The following HIVEP1 variants were observed in gnomAD, a reference collection of about 807,000 sequenced individuals.
HIVEP1 encodes zinc finger protein 40.
In HIVEP1, 36 loss-of-function variants were observed where a neutral mutation model predicts 180.0. The ratio of observed to expected loss-of-function variants is 0.20; its 90% CI spans 0.15 to 0.26. HIVEP1 has a LOEUF of 0.26. Ranked by LOEUF, HIVEP1 falls within the 10% of genes least tolerant of loss-of-function variation. HIVEP1 has a pLI of 1.00. For synonymous variants in HIVEP1, 1,239 were observed against 1,239.0 expected (o/e 1.00, Z 0.00); for missense variants, 3,143 against 3,268.7 (o/e 0.96, Z 0.94).
At chr6:12,127,139 G>A (rs1223283182) in intron 4 of HIVEP1, among the ~76,000 whole-genome samples, 1 of 152,036 alleles carries the variant, frequency 6.6e-6, no homozygotes, top group Non-Finnish European at 1.5e-5. Context: ...GGGATTACAG[G>A]TGTGAGCCAC....
downstream of HIVEP1, among the ~76,000 whole-genome samples, chr6:12,168,197 T>TATCTATATTATATATATAG (rs1444526997): frequency 1.1e-4 from 11 of 96,468 alleles, no homozygotes; most frequent in Admixed American, 2.5e-4. Flanking sequence ...TATACGTGTA[T>TATCTATATTATATATATAG]ATATACATAT....
chr6:12,032,276 G>A (rs193168888), intron 2 of HIVEP1, among the ~76,000 whole-genome samples: 4 of 151,586 alleles, frequency 2.6e-5, no homozygotes, highest in Non-Finnish European at 2.9e-5. Context: ...AAGTAGCTGC[G>A]ACTACAAGAG....
upstream of HIVEP1, among the ~76,000 whole-genome samples, chr6:12,011,369 G>T (rs1286850629): frequency 7.0e-6 from 1 of 143,282 alleles, no homozygotes; most frequent in Non-Finnish European, 1.5e-5. Flanking sequence ...TCCTGCTGTA[G>T]AAAGTAAAGA....
the HIVEP1 span, among the ~76,000 whole-genome samples, chr6:12,192,068 A>G: frequency 6.6e-6 from 1 of 152,218 alleles, no homozygotes; most frequent in Admixed American, 6.5e-5. Context: ...ATATCATATG[A>G]CTGACTTCTT....
At chr6:12,024,661 C>T (rs1020169780) in intron 2 of HIVEP1, among the ~76,000 whole-genome samples, 3 of 152,126 alleles carry the variant, frequency 2.0e-5, no homozygotes, top group African/African-American at 4.8e-5. Context: ...CATACAACTG[C>T]TTAATATAGT....
intron 2 of HIVEP1, among the ~76,000 whole-genome samples, chr6:12,043,354 AATTT>A (rs1195803585): frequency 7.1e-6 from 1 of 140,330 alleles, no homozygotes; most frequent in Non-Finnish European, 1.5e-5. Context: ...TCTAAGTGAA[AATTT>A]TTTTTTTTTT....
At chr6:12,064,430 G>C (rs1311317764) in intron 2 of HIVEP1, among the ~76,000 whole-genome samples, 3 of 152,168 alleles carry the variant, frequency 2.0e-5, no homozygotes, top group Admixed American at 2.0e-4. Flanking sequence ...TAACAGCAGT[G>C]GGTGACATCA....
At chr6:12,017,288 G>GT (rs1767848958) in intron 2 of HIVEP1, among the ~76,000 whole-genome samples, 1 of 152,186 alleles carries the variant, frequency 6.6e-6, no homozygotes, top group African/African-American at 2.4e-5. Flanking sequence ...GGCCCTCGCC[G>GT]TGAGTGTTAT....
At chr6:12,082,072 C>T (rs899101293) in intron 2 of HIVEP1, among the ~76,000 whole-genome samples, 12 of 152,000 alleles carry the variant, frequency 7.9e-5, no homozygotes, top group African/African-American at 2.7e-4. Flanking sequence ...CCTTTTTTAC[C>T]TCTTTTTTTT....
At chr6:12,147,404 C>T (rs1759443514) in intron 7 of HIVEP1, among the ~76,000 whole-genome samples, 1 of 152,094 alleles carries the variant, frequency 6.6e-6, no homozygotes, top group Admixed American at 6.5e-5. Context: ...AGCTATTGCC[C>T]CTTTAGGACC....
chr6:12,068,107 T>A (rs1436149537), intron 2 of HIVEP1, among the ~76,000 whole-genome samples: 1 of 152,204 alleles, frequency 6.6e-6, no homozygotes. Flanking sequence ...TTTTGTTTTT[T>A]GAGATGGAGT....
chr6:12,160,397 T>C (rs1760322231), intron 7 of HIVEP1, among the ~76,000 whole-genome samples: 1 of 152,200 alleles, frequency 6.6e-6, no homozygotes, highest in Admixed American at 6.5e-5. Flanking sequence ...AATTGTAGCA[T>C]CTCTCTGAGT....
At chr6:12,209,487 A>C in the HIVEP1 span, among the ~76,000 whole-genome samples, 1 of 152,358 alleles carries the variant, frequency 6.6e-6, no homozygotes, top group African/African-American at 2.4e-5. Flanking sequence ...AGCACCCTAT[A>C]TAATGTACTT....
chr6:12,136,184 T>C (rs192857821), intron 7 of HIVEP1, among the ~76,000 whole-genome samples: 1 of 152,324 alleles, frequency 6.6e-6, no homozygotes, highest in East Asian at 1.9e-4. Flanking sequence ...ATGTGAACAC[T>C]TGACCTTGAT....
At chr6:12,206,123 A>ATTTTTG in the HIVEP1 span, among the ~76,000 whole-genome samples, 1 of 151,988 alleles carries the variant, frequency 6.6e-6, no homozygotes, top group African/African-American at 2.4e-5. Flanking sequence ...GAGGAAATTT[A>ATTTTTG]TTTTTGTTTT....
At chr6:12,041,413 C>A (rs1342418057) in intron 2 of HIVEP1, among the ~76,000 whole-genome samples, 3 of 111,860 alleles carry the variant, frequency 2.7e-5, no homozygotes, top group Non-Finnish European at 5.3e-5. Context: ...CAGAGCGAGA[C>A]TCCGTCTAAA....
At chr6:12,191,177 A>G in the HIVEP1 span, among the ~76,000 whole-genome samples, 1 of 152,262 alleles carries the variant, frequency 6.6e-6, no homozygotes, top group Admixed American at 6.5e-5. Flanking sequence ...GCATTCTAAC[A>G]GTAAACTAAG....
intron 3 of HIVEP1, among the ~76,000 whole-genome samples, chr6:12,090,485 G>A (rs1318480208): frequency 6.6e-6 from 1 of 151,916 alleles, no homozygotes; most frequent in African/African-American, 2.4e-5. Flanking sequence ...TACATTTATG[G>A]GGTACTATGT....
the HIVEP1 span, among the ~76,000 whole-genome samples, chr6:12,185,536 G>A: frequency 0.014 from 2,174 of 152,294 alleles, 60 homozygotes; most frequent in African/African-American, 0.051. Context: ...GTCATTTCAC[G>A]TAATACCTCA....
Sources: gnomAD v4.1 joint callset for allele counts (sites outside exome capture counted in the v4.1 genomes callset) on GRCh38, gnomAD v4.1.1 for gene constraint, MANE v1.5 for transcripts, NCBI Gene and HGNC (gene_info 2026-07-23, HGNC 2026-07-21) for gene names.